The following SREBF2 variants were observed in gnomAD, a reference collection of about 807,000 sequenced individuals.
The protein encoded by SREBF2 is sterol regulatory element-binding protein 2.
In SREBF2, 55 loss-of-function variants were observed where a neutral mutation model predicts 113.1. That is an observed-to-expected ratio of 0.49 (90% confidence interval 0.39 to 0.61). The LOEUF (loss-of-function observed/expected upper bound fraction) is 0.61. Ranked by LOEUF, SREBF2 falls within the 20% of genes least tolerant of loss-of-function variation. The pLI, the probability that SREBF2 is intolerant of heterozygous loss-of-function variation, is 0.00. For synonymous variants in SREBF2, 593 were observed against 605.7 expected (o/e 0.98, Z 0.31); for missense variants, 1,349 against 1,487.4 (o/e 0.91, Z 1.53).
intron 12 of SREBF2, among the ~76,000 whole-genome samples, chr22:41,893,979 T>C (rs549031340): frequency 6.6e-6 from 1 of 152,240 alleles, no homozygotes; most frequent in South Asian, 2.1e-4. Context: ...TGTCACACAT[T>C]GGGGGAGTTC....
chr22:41,874,480 ATG>A (rs2077174523), intron 5 of SREBF2, among the ~76,000 whole-genome samples: 1 of 152,248 alleles, frequency 6.6e-6, no homozygotes. Flanking sequence ...GTTTCAGTGT[ATG>A]TGTCTTCTAG....
At chr22:41,877,905 C>G in intron 8 of SREBF2, 37 bp from the exon 9 acceptor site, 7 of 1,613,478 alleles carry the variant, frequency 4.3e-6, no homozygotes, top group Non-Finnish European at 5.9e-6. Flanking sequence ...TCCGCAAGGC[C>G]TTTCCTAGCA....
chr22:41,905,723 T>A lies in SREBF2; in HGVS notation c.*63T>A, dbSNP rs2077503022. 2.0e-6 allele frequency: 3 copies of A among 1,489,912 alleles called. No individual in the cohort carries two copies. The African/African-American group carries it at 4.2e-5, about 21-fold the overall frequency. 92.3% of individuals were successfully genotyped at this position (1,489,912 alleles called of 1,614,324 possible). A position where few individuals can be genotyped will look rare whatever the true frequency, so the allele number is the denominator to read the frequency against. Reference sequence around the variant, plus strand: ...TTTCTCTCTCTCCCCCTCAGCATCTTCCCGCTGAGAGTGGTGGGGAAGAGC... The same window carrying A: ...TTTCTCTCTCTCCCCCTCAGCATCTACCCGCTGAGAGTGGTGGGGAAGAGC... On this transcript the variant is annotated 3_prime_UTR_variant, in exon 19 of 19. Transcript: ENST00000361204.
chr22:41,893,094 C>G (rs1367843765), intron 11 of SREBF2, 23 bp from the exon 12 acceptor site: 1 of 1,611,830 alleles, frequency 6.2e-7, no homozygotes, highest in Non-Finnish European at 8.5e-7. Context: ...TTGGTGTTAC[C>G]CCTGGTCCTT....
chr22:41,905,167 G>A (rs2077496468), intron 18 of SREBF2, among the ~76,000 whole-genome samples, 193 bp downstream of exon 18: 1 of 152,252 alleles, frequency 6.6e-6, no homozygotes, highest in South Asian at 2.1e-4. Flanking sequence ...GTCATGCTGT[G>A]ATCAGGGAAG....
chr22:41,902,323 C>T (rs952446454), intron 16 of SREBF2, among the ~76,000 whole-genome samples: 17 of 152,238 alleles, frequency 1.1e-4, no homozygotes, highest in African/African-American at 4.1e-4. Flanking sequence ...AGTACCTTCT[C>T]ATATGATACA....
At chr22:41,873,249 C>T (rs2077163398) in intron 4 of SREBF2, among the ~76,000 whole-genome samples, 2 of 151,826 alleles carry the variant, frequency 1.3e-5, no homozygotes, top group African/African-American at 2.4e-5. Context: ...GAGGAGAAAA[C>T]AGAGATGAAG....
chr22:41,856,700 C>T (rs1378160240), intron 1 of SREBF2, among the ~76,000 whole-genome samples: 2 of 152,102 alleles, frequency 1.3e-5, no homozygotes, highest in African/African-American at 2.4e-5. Context: ...GGATGATGAA[C>T]TAAAGTGGGT....
chr22:41,902,068 G>A (rs1312640824), intron 16 of SREBF2, among the ~76,000 whole-genome samples: 1 of 152,224 alleles, frequency 6.6e-6, no homozygotes, highest in East Asian at 1.9e-4. Context: ...TGTAGGCAAG[G>A]ATCAAGGCCT....
At position 41,833,455 on chromosome 22, in the gene SREBF2, C is replaced by G. The variant is rs1311235296; in HGVS notation, c.88+97C>G. On this transcript the variant is annotated intron_variant, in intron 1 of 18. Coordinates refer to ENST00000361204, the MANE Select transcript of SREBF2 (RefSeq NM_004599.4). The surrounding 1 kb of genome is among the most constrained non-coding windows in gnomAD (Gnocchi z 4.1). ...GCGTGCGCCCACCCCCCGACAGCCC[C>G]GGTTCGCGCGGGAAGAACCCCGTGC... is the stretch of plus-strand genomic sequence containing the variant. 3 of 1,093,638 alleles carry G rather than the reference C, an allele frequency of 2.7e-6. No homozygotes were observed. The African/African-American group carries it at 4.9e-5, about 18-fold the overall frequency. 67.7% of individuals were successfully genotyped at this position (1,093,638 alleles called of 1,614,324 possible).
chr22:41,849,731 A>T (rs1214140940), intron 1 of SREBF2, among the ~76,000 whole-genome samples: 1 of 152,190 alleles, frequency 6.6e-6, no homozygotes, highest in Non-Finnish European at 1.5e-5. Context: ...AGGAAGGTAT[A>T]CTTGTAAAAT....
chr22:41,867,943 T>A (rs898860779), intron 2 of SREBF2, among the ~76,000 whole-genome samples: 1 of 152,236 alleles, frequency 6.6e-6, no homozygotes, highest in Non-Finnish European at 1.5e-5. Flanking sequence ...AACTATTCAT[T>A]CAGCAAACAT....
At chr22:41,871,224 T>C (rs2077137932) in intron 4 of SREBF2, among the ~76,000 whole-genome samples, 189 bp downstream of exon 4, 1 of 152,218 alleles carries the variant, frequency 6.6e-6, no homozygotes, top group Admixed American at 6.5e-5. Flanking sequence ...GTGTGTTCGA[T>C]GTGGGAGTAC....
At chr22:41,847,353 C>G (rs537706452) in intron 1 of SREBF2, among the ~76,000 whole-genome samples, 1 of 152,266 alleles carries the variant, frequency 6.6e-6, no homozygotes, top group East Asian at 1.9e-4. Flanking sequence ...CTTGGAGTCT[C>G]ACTCTGCATC....
In SREBF2 at chr22:41,898,625, G is replaced by A. The variant is rs201762944; in HGVS notation, c.2606-24G>A. The A allele has an allele frequency of 1.3e-4, 215 of 1,613,808 alleles. 2 individuals are homozygous for A. Among genetic ancestry groups the A allele is most frequent in the Non-Finnish European group, 1.4e-5 (16 of 1,179,928 alleles). On this transcript the variant is annotated intron_variant, in intron 14 of 18. Transcript: ENST00000361204. ...GTCTCGTTTCTGTGGGTGCTGGAGTGCGTTTGGTGCTGTTCTCCTCTAGGT... is the reference window on the plus strand; with the variant it reads ...GTCTCGTTTCTGTGGGTGCTGGAGTACGTTTGGTGCTGTTCTCCTCTAGGT...
At chr22:41,894,533 G>C (rs1369589175) in intron 12 of SREBF2, among the ~76,000 whole-genome samples, 1 of 152,084 alleles carries the variant, frequency 6.6e-6, no homozygotes, top group East Asian at 1.9e-4. Context: ...CCACCTGACA[G>C]CTCCCAACCT....
At chr22:41,840,147 A>G (rs1343676234) in intron 1 of SREBF2, among the ~76,000 whole-genome samples, 2 of 151,414 alleles carry the variant, frequency 1.3e-5, no homozygotes, top group African/African-American at 4.9e-5. Context: ...TTTAGTAGAG[A>G]CGGGGTTTCA....
At chr22:41,884,694 TC>T in intron 10 of SREBF2, 147 bp from the exon 11 acceptor site, 1 of 818,712 alleles carries the variant, frequency 1.2e-6, no homozygotes. Context: ...GAGCCTGGCA[TC>T]CCATCCTGTG....
chr22:41,877,148 C>T, intron 7 of SREBF2, 81 bp from the exon 8 acceptor site: 1 of 1,381,138 alleles, frequency 7.2e-7, no homozygotes, highest in Non-Finnish European at 1.0e-6. Context: ...ATAACCATTT[C>T]TCAATATATA....
Sources: gnomAD v4.1 joint callset for allele counts (sites outside exome capture counted in the v4.1 genomes callset) on GRCh38, gnomAD v4.1.1 for gene constraint, Gnocchi (gnomAD v3.1) non-coding constraint, MANE v1.5 for transcripts, NCBI Gene and HGNC (gene_info 2026-07-23, HGNC 2026-07-21) for gene names.